CYP3A7: variants seen among roughly 807,000 people sequenced by gnomAD.
CYP3A7 encodes cytochrome P450 family 3 subfamily A member 7, also known as cytochrome P450 3A7.
Under a neutral mutation model 55.2 loss-of-function variants are expected in CYP3A7, and 45 were observed. The observed-to-expected ratio is 0.82, with a 90% CI of 0.64 to 1.05. CYP3A7 has a LOEUF of 1.05. Ranked by LOEUF, CYP3A7 falls within the 50% of genes least tolerant of loss-of-function variation. CYP3A7 has a pLI of 0.00. For synonymous variants in CYP3A7, 180 were observed against 207.4 expected (o/e 0.87, Z 1.13); for missense variants, 548 against 605.3 (o/e 0.91, Z 0.99).
At chr7:99,709,386 C>T in intron 10 of CYP3A7, 125 bp from the exon 11 acceptor site, 1 of 1,415,362 alleles carries the variant, frequency 7.1e-7, no homozygotes, top group Non-Finnish European at 9.7e-7. Context: ...AGGATTGTAG[C>T]ATTCATAAAG....
intron 2 of CYP3A7, chr7:99,730,842 G>T (rs1814584217): frequency 1.8e-6 from 1 of 541,576 alleles, no homozygotes; most frequent in Non-Finnish European, 3.3e-6. Flanking sequence ...GGATCTACTT[G>T]ACATTTGGGC....
intron 2 of CYP3A7, among the ~76,000 whole-genome samples, chr7:99,729,136 T>A (rs1724076264): frequency 6.6e-6 from 1 of 152,152 alleles, no homozygotes; most frequent in Non-Finnish European, 1.5e-5. Flanking sequence ...GTGTCTTAGC[T>A]CCTCCCTATT....
rs1181551856 is a variant in CYP3A7, at chr7:99,732,873, C to T, written c.72-1721G>A. ...GTTGATAGCAAAAGATGGAGTATTCCACATAAGTAACCATAAAATGTTCCA... is the reference window on the plus strand; with the variant it reads ...GTTGATAGCAAAAGATGGAGTATTCTACATAAGTAACCATAAAATGTTCCA... On this transcript the variant is annotated intron_variant, in intron 1 of 12. Transcript: ENST00000336374. Among the ~76,000 whole-genome samples the T allele has an allele frequency of 3.3e-5, 5 of 151,930 alleles. No individual in the cohort carries two copies. The East Asian group carries it at 9.6e-4, about 29-fold the overall frequency.
At chr7:99,719,804 C>G (rs1814114560) in intron 4 of CYP3A7, among the ~76,000 whole-genome samples, 1 of 152,040 alleles carries the variant, frequency 6.6e-6, no homozygotes, top group South Asian at 2.1e-4. Flanking sequence ...TCAAGACCAG[C>G]CTGGCCAATA....
chr7:99,709,194 C>A lies in CYP3A7; in HGVS notation c.1094G>T (p.Arg365Ile). ...YLDMVVNETL[R>I]LFPVAMRLER... The stretch of plus-strand genomic sequence containing the variant: ...AAGTCTCATAGCAACTGGGAATAAT[C>A]TGAGTGTTTCATTCACCACCATGTC... Residue 365 changes from arginine to isoleucine, a missense_variant, in exon 11 of 13, where the codon AGA becomes ATA. Arg to Ile is a moderately conservative substitution (Grantham distance 97, BLOSUM62 -3). Coordinates refer to ENST00000336374, the MANE Select transcript of CYP3A7 (RefSeq NM_000765.5). 6.2e-7 allele frequency: 1 copy of A among 1,613,996 alleles called. No individual in the cohort carries two copies. Among genetic ancestry groups the A allele is most frequent in the Non-Finnish European group, 8.5e-7 (1 of 1,179,942 alleles).
chr7:99,725,628 A>G (rs1563027013), intron 2 of CYP3A7, among the ~76,000 whole-genome samples: 1 of 152,200 alleles, frequency 6.6e-6, no homozygotes, highest in Admixed American at 6.5e-5. Context: ...GGCTCCAATT[A>G]GAGGTTGGAC....
chr7:99,708,648 T>A (rs1813617780), intron 11 of CYP3A7, among the ~76,000 whole-genome samples: 1 of 152,216 alleles, frequency 6.6e-6, no homozygotes, highest in Admixed American at 6.5e-5. Flanking sequence ...ATAAATTCTT[T>A]GAAGATTAGA....
At chr7:99,715,611 A>G (rs1813912045) in intron 7 of CYP3A7, 147 bp downstream of exon 7, 3 of 1,392,114 alleles carry the variant, frequency 2.2e-6, no homozygotes, top group South Asian at 2.5e-5. Flanking sequence ...TAAAGTTTAC[A>G]ATGGTGATGG....
rs1223540297 is a variant in CYP3A7, at chr7:99,714,433, A to T, written c.798+122T>A. ...CCAAATGAATTATCTTGCTCTAAAC[A>T]TAAGTACTCTTTATGTTAAAATCTT... On this transcript the variant is annotated intron_variant, in intron 8 of 12. Transcript: ENST00000336374. The T allele has an allele frequency of 4.1e-6, 6 of 1,473,430 alleles. No homozygotes were observed. The Admixed American group carries it at 1.3e-4, about 32-fold the overall frequency. The allele number at this position is 1,473,430 out of a possible 1,614,324, so 91.3% of individuals were successfully genotyped here.
At position 99,715,797 on chromosome 7, in the gene CYP3A7, A is replaced by G; in HGVS notation, c.631T>C (p.Leu211=). The G allele has an allele frequency of 6.2e-7, 1 of 1,613,904 alleles. No homozygotes were observed. The highest frequency in any genetic ancestry group is 2.2e-5 in the East Asian group (1 of 44,878). The change falls in exon 7 of 13, where the codon TTA becomes CTA. Residue 211 remains leucine (L), a synonymous_variant. Transcript: ENST00000336374. ...AATGGATCTAATGGATTAAATCTTAAAAGCTTCTTGGTGTTTTCCACAAAG... is the reference window on the plus strand; with the variant it reads ...AATGGATCTAATGGATTAAATCTTAGAAGCTTCTTGGTGTTTTCCACAAAG... The part of the protein sequence containing the change: ...DPFVENTKKL[L]RFNPLDPFVL...
intron 2 of CYP3A7, 144 bp downstream of exon 2, chr7:99,730,915 G>T: frequency 9.1e-7 from 1 of 1,104,236 alleles, no homozygotes; most frequent in Non-Finnish European, 1.3e-6. Flanking sequence ...GGTAAACTTT[G>T]CCACGCTCTG....
chr7:99,720,506 A>G, intron 3 of CYP3A7, 94 bp from the exon 4 acceptor site: 1 of 1,345,282 alleles, frequency 7.4e-7, no homozygotes, highest in Non-Finnish European at 1.1e-6. Context: ...CGGACATTAC[A>G]TAATCCTCTA....
chr7:99,720,890 G>A (rs1437865161), intron 3 of CYP3A7: 10 of 171,354 alleles, frequency 5.8e-5, no homozygotes, highest in Non-Finnish European at 1.3e-4. Context: ...ATCCAGAGCT[G>A]TGTGTCCTTT....
At chr7:99,734,096 G>T (rs1160988326) in intron 1 of CYP3A7, among the ~76,000 whole-genome samples, 2 of 152,184 alleles carry the variant, frequency 1.3e-5, no homozygotes, top group African/African-American at 2.4e-5. Flanking sequence ...CTTTAAAAAG[G>T]ATGAATTTAA....
chr7:99,734,417 G>A (rs1814748255), intron 1 of CYP3A7, among the ~76,000 whole-genome samples: 1 of 152,034 alleles, frequency 6.6e-6, no homozygotes, highest in Non-Finnish European at 1.5e-5. Context: ...CCAAATTCTG[G>A]TTTGGTAAGC....
rs775536082 is a variant in CYP3A7, at chr7:99,715,776, G to C, written c.652C>G (p.Pro218Ala). 1.8e-5 allele frequency: 29 copies of C among 1,613,720 alleles called. No individual in the cohort carries two copies. Among genetic ancestry groups the C allele is most frequent in the Non-Finnish European group, 2.5e-5 (29 of 1,179,788 alleles). The change falls in exon 7 of 13, where the codon CCA (proline) becomes GCA (alanine). Residue 218 changes from proline (P) to alanine (A), a missense_variant. Coordinates refer to ENST00000336374, the MANE Select transcript of CYP3A7 (RefSeq NM_000765.5). ...KKLLRFNPLD[P>A]FVLSIKVFPF... Reference sequence around the variant, plus strand: ...CACATACTTATTGAGAGAACGAATGGATCTAATGGATTAAATCTTAAAAGC... The same window carrying C: ...CACATACTTATTGAGAGAACGAATGCATCTAATGGATTAAATCTTAAAAGC...
chr7:99,720,689 A>G, intron 3 of CYP3A7: 1 of 370,950 alleles, frequency 2.7e-6, no homozygotes, highest in Non-Finnish European at 5.1e-6. Context: ...TAGAAATGAC[A>G]GGAGAGCATT....
intron 2 of CYP3A7, among the ~76,000 whole-genome samples, chr7:99,730,379 C>T (rs1473799836): frequency 1.3e-5 from 2 of 152,160 alleles, no homozygotes; most frequent in Non-Finnish European, 2.9e-5. Flanking sequence ...TACATCCACT[C>T]CCTGCTCAGA....
Position 99,714,698 on chromosome 7 carries a change from A to T in CYP3A7, c.671-16T>A, listed in dbSNP as rs78380902. On this transcript the variant is annotated splice_polypyrimidine_tract_variant and intron_variant, in intron 7 of 12. Coordinates refer to ENST00000336374, the MANE Select transcript of CYP3A7 (RefSeq NM_000765.5). ...GGAAAGACTTCTGTAGAAAAAAAAA[A>T]CCAACAGAAAACGAAACCATTGTGA... The T allele has an allele frequency of 6.2e-7, 1 of 1,609,766 alleles. No individual in the cohort carries two copies. Among genetic ancestry groups the T allele is most frequent in the South Asian group, 1.1e-5 (1 of 90,562 alleles).
Sources: allele counts gnomAD v4.1 joint callset (sites outside exome capture counted in the v4.1 genomes callset), GRCh38; gene constraint gnomAD v4.1.1; transcripts MANE v1.5; gene names NCBI Gene and HGNC (gene_info 2026-07-23, HGNC 2026-07-21).